The following PCNX2 variants were observed in gnomAD, a reference collection of about 807,000 sequenced individuals.
PCNX2 encodes the protein pecanex 2.
Under a neutral mutation model 223.8 loss-of-function variants are expected in PCNX2, and 168 were observed. The observed-to-expected ratio is 0.75, with a 90% confidence interval of 0.66 to 0.85. The LOEUF (loss-of-function observed/expected upper bound fraction) is 0.85. Among genes scored for constraint, PCNX2 ranks in the 40% least tolerant of loss-of-function variants. The pLI is 0.00. For missense variants in PCNX2, 2,507 were observed against 2,675.5 expected (o/e 0.94, Z 1.39); for synonymous variants, 1,006 against 1,052.6 (o/e 0.96, Z 0.86).
At chr1:233,112,714 C>CT in intron 21 of PCNX2, 1 of 618,014 alleles carries the variant, frequency 1.6e-6, no homozygotes, top group South Asian at 4.2e-5. Flanking sequence ...GATCTTTGAA[C>CT]AATATAACTA....
the PCNX2 span, among the ~76,000 whole-genome samples, chr1:233,320,044 C>T: frequency 6.6e-6 from 1 of 152,134 alleles, no homozygotes; most frequent in Non-Finnish European, 1.5e-5. Context: ...CAACGTGTTG[C>T]AATATATTGT....
chr1:233,065,901 A>C (rs956848592), intron 23 of PCNX2, among the ~76,000 whole-genome samples: 2 of 152,182 alleles, frequency 1.3e-5, no homozygotes, highest in East Asian at 1.9e-4. Flanking sequence ...CCTTCAAACC[A>C]AAGACAAATT....
intron 21 of PCNX2, among the ~76,000 whole-genome samples, chr1:233,116,526 GA>G (rs140961456): frequency 0.012 from 1,758 of 152,160 alleles, 29 homozygotes; most frequent in African/African-American, 0.041. Context: ...CAAACCCTTG[GA>G]AAATGACATA....
intron 1 of PCNX2, among the ~76,000 whole-genome samples, chr1:233,294,908 A>G (rs1285604218): frequency 3.9e-5 from 6 of 152,220 alleles, no homozygotes; most frequent in Non-Finnish European, 8.8e-5. Context: ...AAAAGGGGAC[A>G]ATAACTGAAA....
chr1:233,029,586 AT>A (rs1306420791), intron 25 of PCNX2, among the ~76,000 whole-genome samples: 3 of 150,198 alleles, frequency 2.0e-5, no homozygotes, highest in African/African-American at 4.9e-5. Flanking sequence ...TCAGTTGGTG[AT>A]TATCTTAGCT....
the PCNX2 span, among the ~76,000 whole-genome samples, chr1:233,313,127 T>C: frequency 1.3e-5 from 2 of 152,350 alleles, no homozygotes; most frequent in Non-Finnish European, 2.9e-5. Context: ...AGTATATGAT[T>C]CTGTTTATAT....
the PCNX2 span, among the ~76,000 whole-genome samples, chr1:233,306,320 T>G: frequency 6.6e-6 from 1 of 152,200 alleles, no homozygotes; most frequent in Non-Finnish European, 1.5e-5. Flanking sequence ...AGTTAGAGAC[T>G]TTAATATCCT....
intron 17 of PCNX2, among the ~76,000 whole-genome samples, chr1:233,162,936 G>C (rs957077983): frequency 6.6e-6 from 1 of 152,136 alleles, no homozygotes; most frequent in Non-Finnish European, 1.5e-5. Flanking sequence ...AGGAAGGAAG[G>C]CTGCATTTCT....
the PCNX2 span, among the ~76,000 whole-genome samples, chr1:233,314,993 C>G: frequency 6.6e-6 from 1 of 152,182 alleles, no homozygotes; most frequent in Non-Finnish European, 1.5e-5. Context: ...TTCACCAGTG[C>G]CTTCAGGATA....
At chr1:233,167,431 T>A (rs544119548) in intron 17 of PCNX2, among the ~76,000 whole-genome samples, 2 of 152,224 alleles carry the variant, frequency 1.3e-5, no homozygotes, top group African/African-American at 4.8e-5. Flanking sequence ...TGGGGATATG[T>A]GTGTTAGAAA....
At chr1:233,128,081 G>C (rs1038007648) in intron 21 of PCNX2, among the ~76,000 whole-genome samples, 1 of 152,128 alleles carries the variant, frequency 6.6e-6, no homozygotes, top group African/African-American at 2.4e-5. Context: ...CCATGACAAA[G>C]CCACACATCA....
chr1:233,090,008 T>A, intron 23 of PCNX2, 53 bp downstream of exon 23: 1 of 1,610,566 alleles, frequency 6.2e-7, no homozygotes, highest in Non-Finnish European at 8.5e-7. Context: ...CAGAGGAGCC[T>A]TCTGAAGTGC....
At chr1:233,239,884 A>G (rs1658648910) in intron 8 of PCNX2, among the ~76,000 whole-genome samples, 1 of 152,156 alleles carries the variant, frequency 6.6e-6, no homozygotes, top group African/African-American at 2.4e-5. Flanking sequence ...ATCACACCTA[A>G]TCCTCCTTAT....
intron 12 of PCNX2, among the ~76,000 whole-genome samples, chr1:233,214,818 C>T (rs1682025434): frequency 6.6e-6 from 1 of 152,092 alleles, no homozygotes; most frequent in African/African-American, 2.4e-5. Context: ...AGCCCAGGGG[C>T]TACTGTATCA....
At chr1:233,275,612 A>C (rs1660865650) in intron 1 of PCNX2, among the ~76,000 whole-genome samples, 1 of 152,226 alleles carries the variant, frequency 6.6e-6, no homozygotes, top group Non-Finnish European at 1.5e-5. Context: ...GGACTTCTTC[A>C]AAAAATTAAT....
intron 31 of PCNX2, among the ~76,000 whole-genome samples, chr1:232,998,700 C>T (rs991685831): frequency 6.6e-6 from 1 of 152,300 alleles, no homozygotes; most frequent in South Asian, 2.1e-4. Flanking sequence ...GGAGCTCTGT[C>T]GTCTTCAGGC....
intron 17 of PCNX2, among the ~76,000 whole-genome samples, chr1:233,168,802 A>G (rs1038502894): frequency 3.9e-5 from 6 of 152,158 alleles, no homozygotes; most frequent in Non-Finnish European, 8.8e-5. Flanking sequence ...TGATTATAAT[A>G]ATTTACATAA....
At chr1:233,290,421 T>C (rs1661694502) in intron 1 of PCNX2, among the ~76,000 whole-genome samples, 1 of 152,174 alleles carries the variant, frequency 6.6e-6, no homozygotes, top group Non-Finnish European at 1.5e-5. Context: ...TAGAGTAAAA[T>C]GTTCATGGGG....
chr1:233,267,572 T>C (rs986498140), intron 1 of PCNX2, among the ~76,000 whole-genome samples: 5 of 150,688 alleles, frequency 3.3e-5, no homozygotes, highest in African/African-American at 1.2e-4. Flanking sequence ...TCTGTCTCTA[T>C]GATTTTGACC....
Sources: allele counts gnomAD v4.1 joint callset (sites outside exome capture counted in the v4.1 genomes callset), GRCh38; gene constraint gnomAD v4.1.1; transcripts MANE v1.5; gene names NCBI Gene and HGNC (gene_info 2026-07-23, HGNC 2026-07-21).